The following BCLAF3 variants were observed in gnomAD, a reference collection of about 807,000 sequenced individuals.
BCLAF3 encodes transient octamer binding factor 1.
In BCLAF3, 24 loss-of-function variants were observed where a neutral mutation model predicts 51.2. The ratio of observed to expected loss-of-function variants is 0.47; its 90% CI spans 0.34 to 0.66. The LOEUF (loss-of-function observed/expected upper bound fraction) is 0.66. BCLAF3 is among the 30% of genes least tolerant of loss of function. The pLI is 0.01. For missense variants in BCLAF3, 465 were observed against 525.1 expected (o/e 0.89, Z 1.12); for synonymous variants, 152 against 176.6 (o/e 0.86, Z 1.10).
chrX:19,935,746 T>G, intron 10 of BCLAF3, 63 bp downstream of exon 10: 6 of 928,029 alleles, frequency 6.5e-6, no homozygotes, highest in Non-Finnish European at 7.8e-6. Context: ...TACTAACACT[T>G]AAAACATTGT....
chrX:19,952,104 T>C (rs2071504508), intron 7 of BCLAF3, among the ~76,000 whole-genome samples: 1 of 111,906 alleles, frequency 8.9e-6, no homozygotes, highest in Admixed American at 9.5e-5. Context: ...GATTAAATAA[T>C]AGTTTGTGCT....
At chrX:19,924,059 C>G (rs762756834) in intron 11 of BCLAF3, among the ~76,000 whole-genome samples, 23 of 110,639 alleles carry the variant, frequency 2.1e-4, no homozygotes, top group Non-Finnish European at 3.8e-4. Flanking sequence ...CTCGGCCTCC[C>G]AAAGCGCTGG....
chrX:19,987,969 C>G (rs1207674052), intron 1 of BCLAF3, among the ~76,000 whole-genome samples: 1 of 112,159 alleles, frequency 8.9e-6, no homozygotes, highest in Admixed American at 9.5e-5. Context: ...CCTCACCTTG[C>G]GAATCCTACC....
At chrX:19,980,832 G>A (rs1268366280) in intron 1 of BCLAF3, among the ~76,000 whole-genome samples, 1 of 109,278 alleles carries the variant, frequency 9.2e-6, no homozygotes. Context: ...CCAGGTACTC[G>A]GGAGGCTGAG....
At chrX:19,954,277 C>A (rs933784960) in intron 5 of BCLAF3, 23 of 612,648 alleles carry the variant, frequency 3.8e-5, no homozygotes, top group Non-Finnish European at 4.5e-5. Flanking sequence ...CAAAAACAAG[C>A]CTGAAACATC....
intron 2 of BCLAF3, among the ~76,000 whole-genome samples, chrX:19,968,445 C>T (rs961090896): frequency 4.4e-5 from 5 of 112,872 alleles, no homozygotes; most frequent in African/African-American, 1.6e-4. Context: ...ATGGGTTTAT[C>T]TGCAGCCCCT....
chrX:19,917,494 TAAC>T (rs2147637878), intron 11 of BCLAF3, among the ~76,000 whole-genome samples, 160 bp from the exon 12 acceptor site: 1 of 111,988 alleles, frequency 8.9e-6, no homozygotes, highest in Non-Finnish European at 1.9e-5. Flanking sequence ...AGGCGCAAAG[TAAC>T]AACAGAACAC....
intron 11 of BCLAF3, 101 bp from the exon 12 acceptor site, chrX:19,917,435 C>T (rs773861288): frequency 1.5e-4 from 110 of 736,123 alleles, no homozygotes; most frequent in Non-Finnish European, 2.0e-4. Flanking sequence ...TTCGTTTATA[C>T]AGTGTTACTT....
intron 11 of BCLAF3, chrX:19,923,362 G>A: frequency 6.2e-6 from 1 of 162,198 alleles, no homozygotes; most frequent in Non-Finnish European, 1.3e-5. Flanking sequence ...AGAATTAGTA[G>A]GACACGTTTC....
intron 4 of BCLAF3, among the ~76,000 whole-genome samples, chrX:19,962,316 G>C (rs2071883830): frequency 9.0e-6 from 1 of 110,883 alleles, no homozygotes; most frequent in Non-Finnish European, 1.9e-5. Context: ...CAAGTAGCTG[G>C]GACTATAGGC....
chrX:19,989,479 G>A (rs939133294), intron 1 of BCLAF3, among the ~76,000 whole-genome samples: 1 of 112,193 alleles, frequency 8.9e-6, no homozygotes, highest in African/African-American at 3.2e-5. Flanking sequence ...CTGGGCGACA[G>A]AGTGAGATTC....
At chrX:19,935,681 G>A in intron 10 of BCLAF3, 128 bp downstream of exon 10, 1 of 528,056 alleles carries the variant, frequency 1.9e-6, no homozygotes, top group Non-Finnish European at 3.2e-6. Context: ...TAAATGTCCA[G>A]AAATACTAGT....
Position 19,965,606 on chromosome X carries a change from A to G in BCLAF3, c.712T>C (p.Trp238Arg), listed in dbSNP as rs2072024103. 2 of 1,177,517 alleles carry G rather than the reference A, an allele frequency of 1.7e-6. No homozygotes were observed. Among genetic ancestry groups the G allele is most frequent in the East Asian group, 3.0e-5 (1 of 33,522 alleles). Reference protein sequence around the residue: ...ESREPARNPKWKPEHSLPPYQ... With the variant: ...ESREPARNPKRKPEHSLPPYQ... ...GGTGGGAGGGAATGCTCAGGCTTCC[A>G]CTTTGGGTTCCTGGCAGGCTCTCTG... is the stretch of plus-strand genomic sequence containing the variant. Residue 238 changes from tryptophan (W) to arginine (R), a missense_variant, in exon 4 of 12, where the codon TGG becomes CGG. Physicochemically the swap from Trp to Arg is moderately radical, Grantham distance 101 (BLOSUM62 -3). Coordinates refer to ENST00000379682, the MANE Select transcript of BCLAF3 (RefSeq NM_001367774.2).
At chrX:19,949,036 C>T (rs1239772487) in intron 8 of BCLAF3, among the ~76,000 whole-genome samples, 1 of 111,123 alleles carries the variant, frequency 9.0e-6, no homozygotes, top group Non-Finnish European at 1.9e-5. Flanking sequence ...TAAGTAATGT[C>T]TCATTTTTAA....
chrX:19,973,422 A>G (rs919215203), intron 1 of BCLAF3, among the ~76,000 whole-genome samples: 4 of 111,899 alleles, frequency 3.6e-5, no homozygotes, highest in African/African-American at 1.3e-4. Context: ...AAAACTAATA[A>G]CCCAAATGCT....
At chrX:19,929,634 A>G in intron 11 of BCLAF3, 151 bp downstream of exon 11, 1 of 516,576 alleles carries the variant, frequency 1.9e-6, no homozygotes, top group Non-Finnish European at 3.1e-6. Flanking sequence ...TTACTCCCTG[A>G]AGATCTTATT....
At chrX:19,961,305 TAC>T (rs750321679) in intron 4 of BCLAF3, among the ~76,000 whole-genome samples, 1 of 112,645 alleles carries the variant, frequency 8.9e-6, no homozygotes, top group East Asian at 2.8e-4. Context: ...ATCATTAGAA[TAC>T]AGTCTTTCTT....
intron 2 of BCLAF3, among the ~76,000 whole-genome samples, chrX:19,969,708 T>C (rs1451768777): frequency 1.8e-5 from 2 of 111,754 alleles, no homozygotes; most frequent in Non-Finnish European, 3.8e-5. Flanking sequence ...TTTGCCTTTG[T>C]AGCCCAAGAA....
intron 10 of BCLAF3, among the ~76,000 whole-genome samples, chrX:19,933,152 T>C (rs2070629656): frequency 8.9e-6 from 1 of 112,156 alleles, no homozygotes; most frequent in African/African-American, 3.2e-5. Flanking sequence ...GAACTGGCTG[T>C]AGCAAGACCC....
Sources: gnomAD v4.1 joint callset for allele counts (sites outside exome capture counted in the v4.1 genomes callset) on GRCh38, gnomAD v4.1.1 for gene constraint, MANE v1.5 for transcripts, NCBI Gene and HGNC (gene_info 2026-07-23, HGNC 2026-07-21) for gene names.